Variants in PALM2AKAP2 observed in about 807,000 individuals in gnomAD.
PALM2AKAP2 encodes the protein PALM2-AKAP2 fusion protein.
Under a neutral mutation model 71.5 loss-of-function variants are expected in PALM2AKAP2, and 37 were observed. That is an observed-to-expected ratio of 0.52 (90% CI 0.40 to 0.68). PALM2AKAP2 has a LOEUF of 0.68. PALM2AKAP2 is among the 30% of genes least tolerant of loss of function. The probability of loss-of-function intolerance (pLI) is 0.00; values close to 1 mark genes in which losing one functional copy is unlikely to be tolerated. For missense variants in PALM2AKAP2, 1,224 were observed against 1,191.8 expected, an observed-to-expected ratio of 1.03 and a Z score of -0.40; for synonymous variants, 468 against 478.8, an observed-to-expected ratio of 0.98 and a Z score of 0.29.
chr9:109,876,818 C>A (rs184948175), intron 2 of PALM2AKAP2, among the ~76,000 whole-genome samples: 1 of 152,240 alleles, frequency 6.6e-6, no homozygotes, highest in Admixed American at 6.5e-5. Context: ...CTCTTCCTGG[C>A]TCCTCCTGTT....
chr9:109,674,962 T>TC (rs1428713369), intron 1 of PALM2AKAP2, among the ~76,000 whole-genome samples: 1 of 152,072 alleles, frequency 6.6e-6, no homozygotes, highest in Non-Finnish European at 1.5e-5. Flanking sequence ...ACTCTGTTTT[T>TC]CACTTTCAGT....
upstream of PALM2AKAP2, among the ~76,000 whole-genome samples, chr9:109,779,448 A>T (rs980547098): frequency 6.6e-6 from 1 of 151,966 alleles, no homozygotes; most frequent in Non-Finnish European, 1.5e-5. Flanking sequence ...ATAAGAGCAG[A>T]TGTCTGTGAT....
At chr9:109,858,849 C>A (rs1291365929) in intron 1 of PALM2AKAP2, among the ~76,000 whole-genome samples, 3 of 152,100 alleles carry the variant, frequency 2.0e-5, no homozygotes, top group African/African-American at 7.2e-5. Flanking sequence ...GTGAAGCACT[C>A]CTAGCAAAGA....
At chr9:109,643,054 A>G (rs1827094377) in intron 1 of PALM2AKAP2, among the ~76,000 whole-genome samples, 1 of 148,372 alleles carries the variant, frequency 6.7e-6, no homozygotes, top group African/African-American at 2.5e-5. Flanking sequence ...GGAAGAAGAA[A>G]AAGAGAAAGA....
chr9:109,919,735 A>G (rs1467688321), intron 3 of PALM2AKAP2, among the ~76,000 whole-genome samples: 1 of 142,966 alleles, frequency 7.0e-6, no homozygotes, highest in East Asian at 2.3e-4. Flanking sequence ...GTGTATACAT[A>G]TGTGTGTGTG....
chr9:109,776,709 A>C (rs1829353400), upstream of PALM2AKAP2, among the ~76,000 whole-genome samples: 1 of 152,224 alleles, frequency 6.6e-6, no homozygotes, highest in Non-Finnish European at 1.5e-5. Context: ...AGGAGTTCAC[A>C]AATTGGCCAG....
chr9:110,084,394 GA>G (rs1328040274), intron 1 of PALM2AKAP2, among the ~76,000 whole-genome samples: 1 of 152,148 alleles, frequency 6.6e-6, no homozygotes, highest in Non-Finnish European at 1.5e-5. Flanking sequence ...TCCATATTGA[GA>G]AGTTAATAAA....
At position 109,970,988 on chromosome 9, in the gene PALM2AKAP2, G is replaced by T. The variant is rs568297325; in HGVS notation, c.496+38960G>T. On this transcript the variant is annotated intron_variant, in intron 6 of 9. Transcript: ENST00000302798. Reference sequence around the variant, plus strand: ...TATCTGGGCATGGTGGCATACACCTGTAGTCCCAGCTACTCAGGTGGATGA... The same window carrying T: ...TATCTGGGCATGGTGGCATACACCTTTAGTCCCAGCTACTCAGGTGGATGA... Among the ~76,000 whole-genome samples the T allele has an allele frequency of 2.6e-5, 4 of 152,236 alleles. No homozygotes were observed. The South Asian group carries it at 8.3e-4, about 32-fold the overall frequency.
chr9:109,848,570 T>C (rs550782469), intron 1 of PALM2AKAP2, among the ~76,000 whole-genome samples: 1 of 152,196 alleles, frequency 6.6e-6, no homozygotes, highest in South Asian at 2.1e-4. Flanking sequence ...TTCTTGGTGC[T>C]CTCTAATAGG....
chr9:110,058,032 G>A (rs12555108), intron 1 of PALM2AKAP2, among the ~76,000 whole-genome samples: 37,113 of 152,004 alleles, frequency 0.24, 5,689 homozygotes, highest in East Asian at 0.4. Flanking sequence ...GCAGCTAAAC[G>A]CTCTATAACA....
At chr9:109,991,941 C>T (rs147906114) in intron 6 of PALM2AKAP2, among the ~76,000 whole-genome samples, 25 of 152,234 alleles carry the variant, frequency 1.6e-4, no homozygotes, top group African/African-American at 5.5e-4. Context: ...AGCTCAGTGT[C>T]GAGAAGAACA....
At position 110,076,993 on chromosome 9, in the gene PALM2AKAP2, G is replaced by A. The variant is rs369672372; in HGVS notation, c.156+28138G>A. On this transcript the variant is annotated intron_variant, in intron 1 of 3. Transcript: ENST00000374525. ...CCACCCCTGTGGTAGGCCCAGGACC[G>A]GCGTTTGTCTCAAACAATTCCAGTA... is the stretch of plus-strand genomic sequence containing the variant. 3.9e-5 allele frequency among the ~76,000 whole-genome samples: 6 copies of A among 152,234 alleles called. No individual in the cohort carries two copies. The East Asian group carries it at 7.7e-4, about 20-fold the overall frequency.
intron 1 of PALM2AKAP2, among the ~76,000 whole-genome samples, chr9:110,100,705 G>GTGTTTA (rs1834977104): frequency 6.6e-6 from 1 of 152,220 alleles, no homozygotes; most frequent in African/African-American, 2.4e-5. Flanking sequence ...CAGGGGGATT[G>GTGTTTA]TGTTTAGAAT....
At chr9:110,138,821 C>G (rs774760624) in intron 2 of PALM2AKAP2, among the ~76,000 whole-genome samples, 9 of 152,212 alleles carry the variant, frequency 5.9e-5, no homozygotes, top group Non-Finnish European at 1.2e-4. Flanking sequence ...AAGAATTGTT[C>G]TCTTTTACTT....
At chr9:109,659,484 T>C (rs190432405) in intron 1 of PALM2AKAP2, among the ~76,000 whole-genome samples, 16 of 151,444 alleles carry the variant, frequency 1.1e-4, no homozygotes, top group African/African-American at 3.9e-4. Context: ...TTTTAAATTC[T>C]GGACATTTCG....
At chr9:109,849,763 CA>C (rs989029548) in intron 1 of PALM2AKAP2, among the ~76,000 whole-genome samples, 2 of 151,400 alleles carry the variant, frequency 1.3e-5, no homozygotes, top group Non-Finnish European at 2.9e-5. Flanking sequence ...TCTCAAAAAA[CA>C]AAAAACAAAA....
At chr9:110,077,359 A>T (rs571887873) in intron 1 of PALM2AKAP2, among the ~76,000 whole-genome samples, 1 of 152,332 alleles carries the variant, frequency 6.6e-6, no homozygotes, top group African/African-American at 2.4e-5. Context: ...AATTACTATA[A>T]TAGTACATTC....
At chr9:109,640,916 C>A in intron 1 of PALM2AKAP2, 3 of 1,487,276 alleles carry the variant, frequency 2.0e-6, no homozygotes, top group Non-Finnish European at 2.7e-6. Context: ...CGGCATGTTG[C>A]CATGGTGACC....
intron 6 of PALM2AKAP2, among the ~76,000 whole-genome samples, chr9:109,999,236 G>A (rs1041025857): frequency 1.1e-4 from 16 of 151,990 alleles, no homozygotes; most frequent in East Asian, 3.9e-4. Context: ...CTACATGGGA[G>A]GCTGGGTCAG....
Sources: allele counts gnomAD v4.1 joint callset (sites outside exome capture counted in the v4.1 genomes callset), GRCh38; gene constraint gnomAD v4.1.1; transcripts MANE v1.5; gene names NCBI Gene and HGNC (gene_info 2026-07-23, HGNC 2026-07-21).